Variants in OPCML observed in about 807,000 individuals in gnomAD.
OPCML encodes opioid-binding protein/cell adhesion molecule.
In OPCML, 13 loss-of-function variants were observed where a neutral mutation model predicts 37.8. The ratio of observed to expected loss-of-function variants is 0.34; its 90% CI spans 0.22 to 0.55. OPCML has a LOEUF of 0.55. Among genes scored for constraint, OPCML ranks in the 20% least tolerant of loss-of-function variants. The pLI is 0.91. For missense variants in OPCML, 341 were observed against 435.6 expected, an observed-to-expected ratio of 0.78 and a Z score of 1.93; for synonymous variants, 176 against 168.8, an observed-to-expected ratio of 1.04 and a Z score of -0.33.
At position 132,783,223 on chromosome 11, in the gene OPCML, G is replaced by A. The variant is rs146921003; in HGVS notation, c.147-125904C>T. On this transcript the variant is annotated intron_variant, in intron 2 of 7. Transcript: ENST00000524381. Reference sequence around the variant, plus strand: ...GAGCAAAAGAGCCAGATGGGGATTCGGAGCTGAGTAGAAACAAGGTGAAAG... The same window carrying A: ...GAGCAAAAGAGCCAGATGGGGATTCAGAGCTGAGTAGAAACAAGGTGAAAG... 4.8e-4 allele frequency among the ~76,000 whole-genome samples: 73 copies of A among 152,140 alleles called. 1 individual carries two copies. The highest frequency in any genetic ancestry group is 1.4e-3 in the African/African-American group (57 of 41,502).
intron 2 of OPCML, among the ~76,000 whole-genome samples, chr11:132,750,114 C>T (rs189881400): frequency 2.0e-5 from 3 of 152,116 alleles, no homozygotes; most frequent in South Asian, 4.1e-4. Context: ...GTGGGCAGAT[C>T]ACCTGAGGTC....
At chr11:132,563,356 T>A (rs2096414843) in intron 3 of OPCML, among the ~76,000 whole-genome samples, 2 of 151,986 alleles carry the variant, frequency 1.3e-5, no homozygotes, top group South Asian at 4.2e-4. Flanking sequence ...TAAGTGTGAG[T>A]GAGAAAGAGG....
chr11:132,552,922 T>C (rs1403377187), intron 3 of OPCML, among the ~76,000 whole-genome samples: 1 of 151,916 alleles, frequency 6.6e-6, no homozygotes, highest in East Asian at 1.9e-4. Flanking sequence ...CCCGCCACCA[T>C]GCCTGGCTAA....
intron 7 of OPCML, among the ~76,000 whole-genome samples, chr11:132,428,269 T>G (rs1366495839): frequency 6.6e-6 from 1 of 152,214 alleles, no homozygotes; most frequent in African/African-American, 2.4e-5. Flanking sequence ...ACAAGTCCTC[T>G]TGGGTATTTG....
intron 1 of OPCML, among the ~76,000 whole-genome samples, chr11:133,060,292 TAA>T (rs1948317940): frequency 6.6e-6 from 1 of 151,932 alleles, no homozygotes; most frequent in Admixed American, 6.6e-5. Flanking sequence ...ACTACTGGTG[TAA>T]AGAGAGAGAA....
intron 1 of OPCML, among the ~76,000 whole-genome samples, chr11:133,503,766 T>C (rs1411755417): frequency 6.6e-6 from 1 of 152,162 alleles, no homozygotes; most frequent in Non-Finnish European, 1.5e-5. Flanking sequence ...CTCTGACTTC[T>C]ATCTCAAAGA....
At chr11:133,335,594 T>C (rs1331595555) in intron 1 of OPCML, among the ~76,000 whole-genome samples, 1 of 152,172 alleles carries the variant, frequency 6.6e-6, no homozygotes, top group East Asian at 1.9e-4. Context: ...TGATGGCCTC[T>C]GGACTAGAGG....
intron 1 of OPCML, chr11:133,117,953 TC>T: frequency 1.0e-6 from 1 of 984,826 alleles, no homozygotes. Flanking sequence ...CTGTCCAAGT[TC>T]CCCCATCCTT....
chr11:133,268,014 C>T (rs1176238668), intron 1 of OPCML, among the ~76,000 whole-genome samples: 2 of 152,184 alleles, frequency 1.3e-5, no homozygotes, highest in Non-Finnish European at 2.9e-5. Context: ...TCTAGTTCAT[C>T]CAGTAGGTGC....
chr11:133,448,114 C>A lies in OPCML; in HGVS notation c.61+84150G>T, dbSNP rs1031661239. Among the ~76,000 whole-genome samples the A allele has an allele frequency of 5.9e-5, 9 of 152,208 alleles. No homozygotes were observed. In the South Asian group the frequency reaches 1.2e-3, roughly 21 times the overall value. On this transcript the variant is annotated intron_variant, in intron 1 of 7. Transcript: ENST00000524381. ...TCATTTCTAAGAACTCTTTGCATAA[C>A]CCAAGATCACAAAGATTTTCTTTTA...
chr11:132,645,153 AT>A (rs1420867529), intron 3 of OPCML, among the ~76,000 whole-genome samples: 1 of 152,094 alleles, frequency 6.6e-6, no homozygotes, highest in Non-Finnish European at 1.5e-5. Flanking sequence ...TGTGTTAGAA[AT>A]TTTCCCCAGA....
intron 2 of OPCML, among the ~76,000 whole-genome samples, chr11:132,670,874 C>T (rs1942444716): frequency 6.7e-6 from 1 of 148,192 alleles, no homozygotes; most frequent in African/African-American, 2.5e-5. Context: ...TCCTAGTGTT[C>T]ATCTCTCCAT....
chr11:133,315,084 A>C (rs1343120344), intron 1 of OPCML, among the ~76,000 whole-genome samples: 1 of 152,148 alleles, frequency 6.6e-6, no homozygotes, highest in Non-Finnish European at 1.5e-5. Context: ...GAGGTTTGCA[A>C]ATTCATTGAA....
chr11:132,818,067 G>A (rs1939733040), intron 2 of OPCML, among the ~76,000 whole-genome samples: 1 of 152,058 alleles, frequency 6.6e-6, no homozygotes, highest in South Asian at 2.1e-4. Flanking sequence ...CCTGAGAACA[G>A]ACACTTCATG....
intron 1 of OPCML, among the ~76,000 whole-genome samples, chr11:133,166,190 A>G (rs1366119698): frequency 4.6e-5 from 7 of 152,202 alleles, no homozygotes; most frequent in African/African-American, 1.7e-4. Flanking sequence ...ACCAATGCCT[A>G]CAAGATCCTC....
At chr11:132,884,954 G>A (rs1331258535) in intron 2 of OPCML, among the ~76,000 whole-genome samples, 1 of 152,170 alleles carries the variant, frequency 6.6e-6, no homozygotes, top group African/African-American at 2.4e-5. Flanking sequence ...AATATCAGTG[G>A]AAGGAGAGGA....
intron 1 of OPCML, among the ~76,000 whole-genome samples, chr11:133,243,567 A>G (rs1013594783): frequency 1.3e-5 from 2 of 152,202 alleles, no homozygotes; most frequent in African/African-American, 4.8e-5. Flanking sequence ...AGTAAAGCAG[A>G]TAATGTTGAG....
In OPCML at chr11:132,415,196, T is replaced by C. The variant is rs2095934469; in HGVS notation, c.*4997A>G. The C allele has an allele frequency of 1.3e-5, 2 of 152,772 alleles. No individual in the cohort carries two copies. The highest frequency in any genetic ancestry group is 4.1e-4 in the South Asian group (2 of 4,828). 9.5% of individuals were successfully genotyped at this position (152,772 alleles called of 1,614,324 possible). A position where few individuals can be genotyped will look rare whatever the true frequency, so the allele number is the denominator to read the frequency against. ...AAAGAAAAAAAGAACTCTAGAAGGC[T>C]GACAAAGTCATACTCTTGTATCGTG... is the stretch of plus-strand genomic sequence containing the variant. On this transcript the variant is annotated 3_prime_UTR_variant, in exon 8 of 8. Transcript: ENST00000524381.
At chr11:133,178,517 T>A (rs1476467873) in intron 1 of OPCML, among the ~76,000 whole-genome samples, 1 of 152,172 alleles carries the variant, frequency 6.6e-6, no homozygotes, top group African/African-American at 2.4e-5. Context: ...ACATTTTCTA[T>A]CTACCAGAAG....
Sources: allele counts gnomAD v4.1 joint callset (sites outside exome capture counted in the v4.1 genomes callset), GRCh38; gene constraint gnomAD v4.1.1; transcripts MANE v1.5; gene names NCBI Gene and HGNC (gene_info 2026-07-23, HGNC 2026-07-21).